Variants in HEYL observed in about 807,000 individuals in gnomAD.
The protein encoded by HEYL is hes related family bHLH transcription factor with YRPW motif like.
A neutral mutation model predicts 18.6 loss-of-function variants in HEYL; 12 were observed. The observed-to-expected ratio is 0.65, with a 90% CI of 0.41 to 1.05. The LOEUF (loss-of-function observed/expected upper bound fraction) is 1.05. HEYL is among the 50% of genes least tolerant of loss of function. HEYL has a pLI of 0.00. For missense variants in HEYL, 420 were observed against 444.7 expected (o/e 0.94, Z 0.50); for synonymous variants, 159 against 179.6 (o/e 0.89, Z 0.91).
rs1038767595 is a variant in HEYL, at chr1:39,624,227, C to G, written c.*2280G>C. On this transcript the variant is annotated 3_prime_UTR_variant, in exon 5 of 5. Transcript: ENST00000372852. ...GCAATGGGGTAGGAGTTGGAGACAC[C>G]AGGAAGGCTTGGGGATAGAAACACA... 3.3e-5 allele frequency: 5 copies of G among 152,196 alleles called. No homozygotes were observed. Among genetic ancestry groups the G allele is most frequent in the African/African-American group, 1.2e-4 (5 of 41,440 alleles). 9.4% of individuals were successfully genotyped at this position (152,196 alleles called of 1,614,324 possible).
At chr1:39,634,440 C>T (rs1646352154) in intron 1 of HEYL, among the ~76,000 whole-genome samples, 1 of 152,192 alleles carries the variant, frequency 6.6e-6, no homozygotes, top group African/African-American at 2.4e-5. Flanking sequence ...GGTGGTCCAA[C>T]TGGCCCCTGT....
At position 39,635,099 on chromosome 1, in the gene HEYL, C is replaced by T. The variant is rs563028798; in HGVS notation, c.81-2384G>A. On this transcript the variant is annotated intron_variant, in intron 1 of 4. Transcript: ENST00000372852. ...AGAGACCAGATAGCATTTGTCAAAT[C>T]CTACTGCTATGTCTCTGGCTTTGTC... 3.2e-3 allele frequency among the ~76,000 whole-genome samples: 489 copies of T among 152,340 alleles called. 1 individual carries two copies. The highest frequency in any genetic ancestry group is 0.027 in the Middle Eastern group (8 of 294).
chr1:39,626,293 G>T lies in HEYL; in HGVS notation c.*214C>A. 1 of 552,736 alleles carries T rather than the reference G, an allele frequency of 1.8e-6. No homozygotes were observed. Among genetic ancestry groups the T allele is most frequent in the Non-Finnish European group, 3.1e-6 (1 of 318,444 alleles). The allele number at this position is 552,736 out of a possible 1,614,324, so 34.2% of individuals were successfully genotyped here. On this transcript the variant is annotated 3_prime_UTR_variant, in exon 5 of 5. Transcript: ENST00000372852. ...GTGAGAAATGGAACCAAGCCTCTGA[G>T]ACCAGAACAGCTCCAGGAGAGCTGG...
chr1:39,632,900 C>A, intron 1 of HEYL, 185 bp from the exon 2 acceptor site: 1 of 985,418 alleles, frequency 1.0e-6, no homozygotes, highest in Non-Finnish European at 1.2e-6. Context: ...ACTTTGGGCT[C>A]TTGGTCCGGA....
chr1:39,635,424 G>A (rs1040172046), intron 1 of HEYL, among the ~76,000 whole-genome samples: 5 of 152,164 alleles, frequency 3.3e-5, no homozygotes, highest in South Asian at 4.1e-4. Context: ...TGATCCCTCC[G>A]CTGGGACCAT....
chr1:39,632,934 C>T (rs1415962624), intron 1 of HEYL: 1 of 984,770 alleles, frequency 1.0e-6, no homozygotes, highest in Non-Finnish European at 1.2e-6. Context: ...GCCCTTCGCC[C>T]CTCGCTCCTC....
Position 39,626,328 on chromosome 1 carries a change from C to A in HEYL, c.*179G>T, listed in dbSNP as rs1316732799. 2 of 593,600 alleles carry A rather than the reference C, an allele frequency of 3.4e-6. No homozygotes were observed. The highest frequency in any genetic ancestry group is 5.8e-6 in the Non-Finnish European group (2 of 346,880). 36.8% of individuals were successfully genotyped at this position (593,600 alleles called of 1,614,324 possible). On this transcript the variant is annotated 3_prime_UTR_variant, in exon 5 of 5. Transcript: ENST00000372852. ...GCTCCAGGAGAGCTGGGTGGATAAGCTGGGATAACAGTGAGAAGGAGAGAT... is the reference window on the plus strand; with the variant it reads ...GCTCCAGGAGAGCTGGGTGGATAAGATGGGATAACAGTGAGAAGGAGAGAT...
At chr1:39,632,483 A>T (rs977822074) in intron 2 of HEYL, among the ~76,000 whole-genome samples, 166 bp downstream of exon 2, 1 of 152,256 alleles carries the variant, frequency 6.6e-6, no homozygotes, top group African/African-American at 2.4e-5. Context: ...AGAGGTTAAC[A>T]GGCTTGCCTG....
At chr1:39,632,239 T>A (rs959302981) in intron 2 of HEYL, among the ~76,000 whole-genome samples, 3 of 152,174 alleles carry the variant, frequency 2.0e-5, no homozygotes, top group African/African-American at 7.2e-5. Context: ...GATGGACAGA[T>A]GACAGCGGCA....
chr1:39,631,028 G>C (rs931837590), intron 3 of HEYL, among the ~76,000 whole-genome samples: 2 of 152,204 alleles, frequency 1.3e-5, no homozygotes, highest in Non-Finnish European at 2.9e-5. Flanking sequence ...TGAGTCCACT[G>C]TCTGATTCCC....
At chr1:39,630,082 G>A (rs931586801) in intron 4 of HEYL, 145 bp downstream of exon 4, 3 of 691,386 alleles carry the variant, frequency 4.3e-6, no homozygotes, top group African/African-American at 3.5e-5. Flanking sequence ...TGAAAGGAGA[G>A]AGAGAAGCTT....
Position 39,639,592 on chromosome 1 carries a change from C to T in HEYL, c.34G>A (p.Gly12Arg), listed in dbSNP as rs1392928778. ...KRPKEPSGSD[G>R]ESDGPIDVGQ... ...ACGTCGATGGGTCCGTCGGACTCCC[C>T]GTCGGAGCCGCTCGGCTCCTTGGGT... The change falls in exon 1 of 5, where the codon GGG (glycine) becomes AGG (arginine). Residue 12 changes from glycine to arginine, a missense_variant. Coordinates refer to ENST00000372852, the MANE Select transcript of HEYL (RefSeq NM_014571.4). 4 of 1,579,112 alleles carry T rather than the reference C, an allele frequency of 2.5e-6. No individual in the cohort carries two copies. The highest frequency in any genetic ancestry group is 2.5e-5 in the East Asian group (1 of 40,692).
intron 3 of HEYL, among the ~76,000 whole-genome samples, chr1:39,631,292 A>G (rs564703129): frequency 2.5e-4 from 35 of 140,346 alleles, no homozygotes; most frequent in African/African-American, 8.4e-4. Context: ...TGAGGAGTCA[A>G]TTCAATGGGA....
Position 39,631,577 on chromosome 1 carries a change from G to A in HEYL, c.150C>T (p.Ile50=). 6 of 1,613,994 alleles carry A rather than the reference G, an allele frequency of 3.7e-6. No homozygotes were observed. The highest frequency in any genetic ancestry group is 4.2e-6 in the Non-Finnish European group (5 of 1,179,836). ...TGCGGTCTCGACGCCGTTTCTCTAT[G>A]ATCTAAACAATCATGACAAGAAGTT... ...QMQARKKHRG[I]IEKRRRDRIN... Residue 50 remains isoleucine (I), a splice_region_variant and synonymous_variant, in exon 3 of 5, where the codon ATC becomes ATT. Transcript: ENST00000372852.
In HEYL at chr1:39,626,428, A is replaced by T; in HGVS notation, c.*79T>A. ...TATGAGCCAGTCCATGAAGCAAAGC[A>T]GAAAAGGCAGTGCCCTTTTTTGGGC... On this transcript the variant is annotated 3_prime_UTR_variant, in exon 5 of 5. Coordinates refer to ENST00000372852, the MANE Select transcript of HEYL (RefSeq NM_014571.4). 7.6e-7 allele frequency: 1 copy of T among 1,314,028 alleles called. No homozygotes were observed. The highest frequency in any genetic ancestry group is 1.0e-6 in the Non-Finnish European group (1 of 979,716). The allele number at this position is 1,314,028 out of a possible 1,614,324, so 81.4% of individuals were successfully genotyped here.
intron 2 of HEYL, 123 bp from the exon 3 acceptor site, chr1:39,631,702 C>G (rs1646334559): frequency 9.1e-6 from 7 of 766,282 alleles, no homozygotes; most frequent in Non-Finnish European, 1.6e-5. Context: ...TCTAGTCTTA[C>G]TTTATGGTGG....
chr1:39,639,113 G>A (rs553463740), intron 1 of HEYL, among the ~76,000 whole-genome samples: 1 of 152,284 alleles, frequency 6.6e-6, no homozygotes, highest in Admixed American at 6.5e-5. Context: ...CATGAAAACT[G>A]CATCCAAACT....
intron 1 of HEYL, among the ~76,000 whole-genome samples, chr1:39,638,991 T>C (rs1025998629): frequency 1.3e-5 from 2 of 152,192 alleles, no homozygotes; most frequent in African/African-American, 4.8e-5. Context: ...AATTAGAGTC[T>C]AGGCCCTTGC....
At chr1:39,627,845 A>G (rs933845619) in intron 4 of HEYL, among the ~76,000 whole-genome samples, 2 of 152,256 alleles carry the variant, frequency 1.3e-5, no homozygotes, top group Non-Finnish European at 2.9e-5. Context: ...TGCTGAATAA[A>G]TGAAAAGTTA....
Sources: allele counts gnomAD v4.1 joint callset (sites outside exome capture counted in the v4.1 genomes callset), GRCh38; gene constraint gnomAD v4.1.1; transcripts MANE v1.5; gene names NCBI Gene and HGNC (gene_info 2026-07-23, HGNC 2026-07-21).